Variants in SERINC4 observed in about 807,000 individuals in gnomAD.
SERINC4 encodes the protein serine incorporator 4.
A neutral mutation model predicts 52.0 loss-of-function variants in SERINC4; 52 were observed. The ratio of observed to expected loss-of-function variants is 1.00; its 90% CI spans 0.80 to 1.26. The LOEUF is 1.26. Ranked by LOEUF, SERINC4 falls within the 50% of genes most tolerant of loss-of-function variation. The probability of loss-of-function intolerance (pLI) is 0.00; values close to 1 mark genes in which losing one functional copy is unlikely to be tolerated. For missense variants in SERINC4, 723 were observed against 632.8 expected, an observed-to-expected ratio of 1.14 and a Z score of -1.53; for synonymous variants, 264 against 247.7, an observed-to-expected ratio of 1.07 and a Z score of -0.62.
At chr15:43,797,874 C>G (rs770921104) in intron 5 of SERINC4, 46 bp downstream of exon 5, 1 of 1,424,968 alleles carries the variant, frequency 7.0e-7, no homozygotes, top group Admixed American at 1.7e-5. Flanking sequence ...TGTAGTAATA[C>G]TAGAAACCTC....
chr15:43,799,515 A>T, intron 1 of SERINC4, 29 bp from the exon 2 acceptor site: 3 of 1,550,868 alleles, frequency 1.9e-6, no homozygotes, highest in Non-Finnish European at 2.6e-6. Context: ...CAAGGCAGCG[A>T]GGTGGAGACT....
intron 4 of SERINC4, 178 bp from the exon 5 acceptor site, chr15:43,798,191 A>C: frequency 1.6e-6 from 1 of 615,164 alleles, no homozygotes; most frequent in South Asian, 1.9e-5. Flanking sequence ...CTGGGATTAC[A>C]GGTGCGTGCC....
intron 4 of SERINC4, 156 bp from the exon 5 acceptor site, chr15:43,798,169 C>T (rs573731933): frequency 1.6e-6 from 1 of 632,368 alleles, no homozygotes; most frequent in South Asian, 1.9e-5. Flanking sequence ...TCTGCCTCCA[C>T]CTCCTGAGCA....
chr15:43,797,333 C>T lies in SERINC4; in HGVS notation c.656G>A (p.Cys219Tyr). The T allele has an allele frequency of 6.5e-7, 1 of 1,548,526 alleles. No individual in the cohort carries two copies. Among genetic ancestry groups the T allele is most frequent in the Non-Finnish European group, 8.7e-7 (1 of 1,146,828 alleles). The change falls in exon 6 of 12, where the codon TGT becomes TAT. Residue 219 changes from cysteine (C) to tyrosine (Y), a missense_variant. Coordinates refer to ENST00000319327, the MANE Select transcript of SERINC4 (RefSeq NM_001258031.2). The part of the protein sequence containing the change: ...KNWQTGAAQD[C>Y]SWFLAVLLAT... ...CAGCAGGACAGCCAGGAACCAGCTA[C>T]AGTCTTGAGCTGCACCTGTCTGCCT...
Position 43,794,596 on chromosome 15 carries a change from A to G in SERINC4, c.*404T>C. 1 of 175,452 alleles carries G rather than the reference A, an allele frequency of 5.7e-6. No individual in the cohort carries two copies. The highest frequency in any genetic ancestry group is 1.2e-5 in the Non-Finnish European group (1 of 81,354). The allele number at this position is 175,452 out of a possible 1,614,324, so 10.9% of individuals were successfully genotyped here. On this transcript the variant is annotated 3_prime_UTR_variant, in exon 12 of 12. Coordinates refer to ENST00000319327, the MANE Select transcript of SERINC4 (RefSeq NM_001258031.2). ...TTTGTTCTGTGGTTCTGGGCTTCTT[A>G]TATCCGTGTGCCCAGGGCTGAACTC...
chr15:43,796,825 A>C lies in SERINC4; in HGVS notation c.940+20T>G. ...GCAAAAAAAGGTCTTAGCATGGAGA[A>C]TCCAGGTCCTGTCCCTTACCTCTCT... On this transcript the variant is annotated intron_variant, in intron 7 of 11. Coordinates refer to ENST00000319327, the MANE Select transcript of SERINC4 (RefSeq NM_001258031.2). 1 of 1,613,632 alleles carries C rather than the reference A, an allele frequency of 6.2e-7. No homozygotes were observed. The highest frequency in any genetic ancestry group is 1.3e-5 in the African/African-American group (1 of 75,048).
In SERINC4 at chr15:43,795,457, T is replaced by C. The variant is rs2087188595; in HGVS notation, c.1274A>G (p.Tyr425Cys). ...PVQVQHLSYN[Y>C]SAFHFVFFLA... ...GAAGAAGACGAAGTGGAAGGCAGAA[T>C]AGTTGTAGGAAAGATGCTGGACTTG... The change falls in exon 11 of 12, where the codon TAT becomes TGT. Residue 425 changes from tyrosine (Y) to cysteine (C), a missense_variant. Coordinates refer to ENST00000319327, the MANE Select transcript of SERINC4 (RefSeq NM_001258031.2). 1.9e-6 allele frequency: 3 copies of C among 1,614,034 alleles called. No individual in the cohort carries two copies.
chr15:43,800,091 C>A lies in SERINC4; in HGVS notation c.-105G>T. ...GGACTGCCACTGTGTTGGGGCTGAG[C>A]ACCCGGTCCCGGGCAGAATGGAGAC... On this transcript the variant is annotated 5_prime_UTR_variant, in exon 1 of 12. Coordinates refer to ENST00000319327, the MANE Select transcript of SERINC4 (RefSeq NM_001258031.2). 2 of 849,814 alleles carry A rather than the reference C, an allele frequency of 2.4e-6. No individual in the cohort carries two copies. Among genetic ancestry groups the A allele is most frequent in the Middle Eastern group, 7.1e-4 (2 of 2,814 alleles). 52.6% of individuals were successfully genotyped at this position (849,814 alleles called of 1,614,324 possible).
chr15:43,795,339 T>G (rs2087183998), intron 11 of SERINC4, 49 bp downstream of exon 11: 10 of 1,608,550 alleles, frequency 6.2e-6, no homozygotes, highest in Admixed American at 1.7e-5. Flanking sequence ...GCTCTTTCCT[T>G]AAAATAGCTA....
rs745672740 is a variant in SERINC4, at chr15:43,795,482, G to A, written c.1249C>T (p.Gln417Ter). 9 of 1,614,160 alleles carry A rather than the reference G, an allele frequency of 5.6e-6. No homozygotes were observed. Among genetic ancestry groups the A allele is most frequent in the South Asian group, 2.2e-5 (2 of 91,082 alleles). ...TAGTTGTAGGAAAGATGCTGGACTT[G>A]GACTGGAGGAGCTGGAGGGGTTTCT... ...DQETPPAPPVQVQHLSYNYSA... is the reference protein window; with the variant it reads ...DQETPPAPPV The change falls in exon 11 of 12, where the codon CAA (glutamine) becomes TAA (stop). Residue 417 changes from glutamine (Q) to a stop codon, truncating the protein, a stop_gained. Coordinates refer to ENST00000319327, the MANE Select transcript of SERINC4 (RefSeq NM_001258031.2). LOFTEE classifies it high-confidence loss of function.
Position 43,795,193 on chromosome 15 carries a change from TC to T in SERINC4, c.1363del (p.Glu455LysfsTer47). The stretch of plus-strand genomic sequence containing the variant: ...CCAGCTACCCTTGATGAAGGTCTTT[TC>T]CAGTTCTGCTCCCTCATAGCTGTGT... ...NWFSYEGAEL[E>X]KTFIKGSWAT... On this transcript the variant is annotated frameshift_variant, in exon 12 of 12. Coordinates refer to ENST00000319327, the MANE Select transcript of SERINC4 (RefSeq NM_001258031.2). LOFTEE classifies it low-confidence loss of function (END_TRUNC). 6.2e-7 allele frequency: 1 copy of T among 1,614,092 alleles called. No individual in the cohort carries two copies. Among genetic ancestry groups the T allele is most frequent in the Non-Finnish European group, 8.5e-7 (1 of 1,180,018 alleles).
Position 43,797,978 on chromosome 15 carries a change from A to C in SERINC4, c.574T>G (p.Phe192Val). ...HYIGICGGFA[F>V]ILLQLVLITA... Reference sequence around the variant, plus strand: ...ATAAGCACCAACTGCAGTAGGATGAATGCAAAGCCTCCACAGATGCCAATG... The same window carrying C: ...ATAAGCACCAACTGCAGTAGGATGACTGCAAAGCCTCCACAGATGCCAATG... The change falls in exon 5 of 12, where the codon TTC becomes GTC. Residue 192 changes from phenylalanine (F) to valine (V), a missense_variant. By Grantham distance (50) the Phe-to-Val change is conservative (BLOSUM62 -1). Transcript: ENST00000319327. 6.2e-7 allele frequency: 1 copy of C among 1,613,916 alleles called. No homozygotes were observed. The highest frequency in any genetic ancestry group is 2.2e-5 in the East Asian group (1 of 44,880).
Position 43,800,096 on chromosome 15 carries a change from G to T in SERINC4, c.-110C>A. 1 of 798,272 alleles carries T rather than the reference G, an allele frequency of 1.3e-6. No individual in the cohort carries two copies. Among genetic ancestry groups the T allele is most frequent in the Non-Finnish European group, 1.9e-6 (1 of 520,416 alleles). 49.4% of individuals were successfully genotyped at this position (798,272 alleles called of 1,614,324 possible). A position where few individuals can be genotyped will look rare whatever the true frequency, so the allele number is the denominator to read the frequency against. On this transcript the variant is annotated 5_prime_UTR_variant, in exon 1 of 12. Transcript: ENST00000319327. ...GCCACTGTGTTGGGGCTGAGCACCC[G>T]GTCCCGGGCAGAATGGAGACGTCCG...
At position 43,797,324 on chromosome 15, in the gene SERINC4, A is replaced by G; in HGVS notation, c.665T>C (p.Phe222Ser). 2 of 1,548,938 alleles carry G rather than the reference A, an allele frequency of 1.3e-6. No homozygotes were observed. The highest frequency in any genetic ancestry group is 1.7e-6 in the Non-Finnish European group (2 of 1,146,892). Reference protein sequence around the residue: ...QTGAAQDCSWFLAVLLATLGF... With the variant: ...QTGAAQDCSWSLAVLLATLGF... Reference sequence around the variant, plus strand: ...TAGGGTGGCCAGCAGGACAGCCAGGAACCAGCTACAGTCTTGAGCTGCACC... The same window carrying G: ...TAGGGTGGCCAGCAGGACAGCCAGGGACCAGCTACAGTCTTGAGCTGCACC... The change falls in exon 6 of 12, where the codon TTC becomes TCC. Residue 222 changes from phenylalanine to serine, a missense_variant. By Grantham distance (155) the Phe-to-Ser change is radical. Coordinates refer to ENST00000319327, the MANE Select transcript of SERINC4 (RefSeq NM_001258031.2).
chr15:43,798,201 C>G, intron 4 of SERINC4, 188 bp from the exon 5 acceptor site: 1 of 611,254 alleles, frequency 1.6e-6, no homozygotes, highest in Non-Finnish European at 2.9e-6. Context: ...AGGTGCGTGC[C>G]ACCATGCCCG....
At chr15:43,797,712 A>G (rs897876026) in intron 5 of SERINC4, 3 of 561,560 alleles carry the variant, frequency 5.3e-6, no homozygotes, top group Non-Finnish European at 9.6e-6. Context: ...TCTTTTACCC[A>G]TTACCAACTA....
intron 9 of SERINC4, 41 bp downstream of exon 9, chr15:43,796,114 G>C: frequency 7.2e-7 from 1 of 1,384,522 alleles, no homozygotes; most frequent in Non-Finnish European, 1.0e-6. Context: ...CTTTGTGTGG[G>C]GGAGGGAGGG....
intron 5 of SERINC4, chr15:43,797,574 C>A: frequency 3.7e-6 from 2 of 540,632 alleles, no homozygotes; most frequent in Non-Finnish European, 6.6e-6. Context: ...TATATTTTTA[C>A]TAGAGATGGG....
chr15:43,798,892 T>A, intron 3 of SERINC4, 67 bp downstream of exon 3: 1 of 1,479,638 alleles, frequency 6.8e-7, no homozygotes, highest in Non-Finnish European at 9.2e-7. Context: ...TCCCGGAATT[T>A]CCTTTACCCA....
Sources: allele counts gnomAD v4.1 joint callset, GRCh38; gene constraint gnomAD v4.1.1; transcripts MANE v1.5; gene names NCBI Gene and HGNC (gene_info 2026-07-23, HGNC 2026-07-21).